The following DCAF8L2 variants were observed in gnomAD, a reference collection of about 807,000 sequenced individuals.
The protein encoded by DCAF8L2 is DDB1- and CUL4-associated factor 8-like protein 2.
For missense variants in DCAF8L2, 430 were observed against 490.7 expected (o/e 0.88, Z 1.17); for synonymous variants, 200 against 190.9 (o/e 1.05, Z -0.39).
intron 1 of DCAF8L2, among the ~76,000 whole-genome samples, chrX:27,610,023 G>C (rs1927083826): frequency 8.9e-6 from 1 of 111,787 alleles, no homozygotes; most frequent in Non-Finnish European, 1.9e-5. Context: ...ATGAAATCAG[G>C]CTTGCTATAT....
At chrX:27,514,273 A>ATATATGTGTG in the DCAF8L2 span, among the ~76,000 whole-genome samples, 1 of 41,631 alleles carries the variant, frequency 2.4e-5, no homozygotes, top group African/African-American at 4.4e-5. Context: ...GCATATGTGC[A>ATATATGTGTG]CATATGTACA....
At chrX:27,490,222 T>G in the DCAF8L2 span, among the ~76,000 whole-genome samples, 1 of 112,432 alleles carries the variant, frequency 8.9e-6, no homozygotes, top group Non-Finnish European at 1.9e-5. Flanking sequence ...TTTGTGCTTT[T>G]ATGAAATGTC....
chrX:27,733,746 T>G (rs182694915), intron 4 of DCAF8L2, among the ~76,000 whole-genome samples: 13 of 111,661 alleles, frequency 1.2e-4, no homozygotes, highest in Non-Finnish European at 2.3e-4. Flanking sequence ...ATTTTGCATG[T>G]GGATATCCAG....
At chrX:27,743,698 A>ATTATTTATTTATTTAT (rs750649421) in intron 4 of DCAF8L2, among the ~76,000 whole-genome samples, 1 of 86,787 alleles carries the variant, frequency 1.2e-5, no homozygotes, top group African/African-American at 4.5e-5. Context: ...CCTGGCTTTT[A>ATTATTTATTTATTTAT]TTATTTATTT....
chrX:27,553,446 A>G, the DCAF8L2 span, among the ~76,000 whole-genome samples: 2 of 110,878 alleles, frequency 1.8e-5, no homozygotes, highest in South Asian at 7.7e-4. Flanking sequence ...TTGGGTGCAT[A>G]TGTGTTTATA....
the DCAF8L2 span, chrX:27,519,484 T>C: frequency 1.9e-6 from 2 of 1,042,471 alleles, no homozygotes; most frequent in Admixed American, 2.2e-5. Flanking sequence ...AGCTACTGAG[T>C]TGCAACACAA....
intron 3 of DCAF8L2, among the ~76,000 whole-genome samples, chrX:27,710,643 A>G (rs890944750): frequency 2.7e-5 from 3 of 112,359 alleles, no homozygotes; most frequent in African/African-American, 9.7e-5. Context: ...AGTTATATGC[A>G]GATTCCTCAG....
the DCAF8L2 span, among the ~76,000 whole-genome samples, chrX:27,479,422 G>A: frequency 9.0e-6 from 1 of 111,372 alleles, no homozygotes; most frequent in Non-Finnish European, 1.9e-5. Flanking sequence ...GCAATTAATT[G>A]TGTATTGTTT....
the DCAF8L2 span, among the ~76,000 whole-genome samples, chrX:27,584,792 A>C: frequency 8.9e-6 from 1 of 112,057 alleles, no homozygotes; most frequent in Non-Finnish European, 1.9e-5. Flanking sequence ...GTATCGTTCT[A>C]TAATTGGAAT....
At chrX:27,591,492 A>C (rs973600443) in intron 1 of DCAF8L2, among the ~76,000 whole-genome samples, 3 of 109,222 alleles carry the variant, frequency 2.7e-5, no homozygotes, top group Non-Finnish European at 5.7e-5. Context: ...CCTTCCCTCT[A>C]CCTCTCTCTC....
At chrX:27,530,959 CT>C in the DCAF8L2 span, among the ~76,000 whole-genome samples, 1 of 111,370 alleles carries the variant, frequency 9.0e-6, no homozygotes, top group Non-Finnish European at 1.9e-5. Context: ...CATTTCTCCC[CT>C]GATGACCAGT....
At chrX:27,704,828 T>A (rs184955831) in intron 3 of DCAF8L2, among the ~76,000 whole-genome samples, 24 of 111,067 alleles carry the variant, frequency 2.2e-4, no homozygotes, top group African/African-American at 6.9e-4. Context: ...TTAATTTTTT[T>A]ATTTCAGGTT....
At chrX:27,546,404 A>C in the DCAF8L2 span, among the ~76,000 whole-genome samples, 9 of 111,723 alleles carry the variant, frequency 8.1e-5, no homozygotes, top group Non-Finnish European at 1.1e-4. Flanking sequence ...GCAAGCTGTC[A>C]GTGGATCTAC....
intron 3 of DCAF8L2, among the ~76,000 whole-genome samples, chrX:27,707,456 C>T (rs1931381313): frequency 9.0e-6 from 1 of 111,257 alleles, no homozygotes; most frequent in African/African-American, 3.3e-5. Context: ...ACAGCAAAAT[C>T]TTAACAATCA....
At chrX:27,585,967 GCTTA>G (rs1045479595), upstream of DCAF8L2, among the ~76,000 whole-genome samples, 1 of 111,359 alleles carries the variant, frequency 9.0e-6, no homozygotes, top group Non-Finnish European at 1.9e-5. Context: ...ATGATCTCAT[GCTTA>G]CTTATTATTT....
chrX:27,548,207 G>A, the DCAF8L2 span, among the ~76,000 whole-genome samples: 4 of 109,003 alleles, frequency 3.7e-5, no homozygotes, highest in Admixed American at 9.9e-5. Context: ...TTCCGATACC[G>A]GAAGTCATTC....
At chrX:27,651,197 T>C (rs1437248176) in intron 2 of DCAF8L2, among the ~76,000 whole-genome samples, 3 of 111,739 alleles carry the variant, frequency 2.7e-5, no homozygotes, top group Non-Finnish European at 5.6e-5. Context: ...TTAATTTTCC[T>C]AGTATTTCAC....
rs1472437441 is a variant in DCAF8L2 at position 27,747,269 on chromosome X, GGGAGGAGGAGGAAGA to G, written c.387_401del (p.Glu143_Glu147del). 3.3e-5 allele frequency: 36 copies of G among 1,100,288 alleles called. No individual in the cohort carries two copies. The highest frequency in any genetic ancestry group is 6.7e-5 in the African/African-American group (3 of 44,867). The allele number at this position is 1,100,288 out of a possible 1,213,427, so 90.7% of individuals were successfully genotyped here. On this transcript the variant is annotated inframe_deletion, in exon 5 of 5. Coordinates refer to ENST00000451261, the MANE Select transcript of DCAF8L2 (RefSeq NM_001353450.2). ...GACGAAGAGATACAAGAGGAGGGAG[GGGAGGAGGAGGAAGA>G]GGAGGAGGAGGAGGAGGAGGAGGAG...
At chrX:27,732,633 C>T (rs775369645) in intron 4 of DCAF8L2, among the ~76,000 whole-genome samples, 1 of 110,511 alleles carries the variant, frequency 9.0e-6, no homozygotes, top group Admixed American at 9.7e-5. Context: ...AGCATTCATC[C>T]ATCAACAGAC....
Sources: allele counts gnomAD v4.1 joint callset (sites outside exome capture counted in the v4.1 genomes callset), GRCh38; gene constraint gnomAD v4.1.1; transcripts MANE v1.5; gene names NCBI Gene and HGNC (gene_info 2026-07-23, HGNC 2026-07-21).